The following EYA4 variants were observed in gnomAD, a reference collection of about 807,000 sequenced individuals.
EYA4 encodes the protein EYA transcriptional coactivator and phosphatase 4.
In EYA4, 31 loss-of-function variants were observed where a neutral mutation model predicts 87.9. The ratio of observed to expected loss-of-function variants is 0.35; its 90% CI spans 0.27 to 0.48. The LOEUF (loss-of-function observed/expected upper bound fraction) is 0.48. Among genes scored for constraint, EYA4 ranks in the 20% least tolerant of loss-of-function variants. EYA4 has a pLI of 0.99. For synonymous variants in EYA4, 263 were observed against 270.6 expected (o/e 0.97, Z 0.28); for missense variants, 678 against 761.4 (o/e 0.89, Z 1.29).
At chr6:133,309,142 C>A (rs994852688) in intron 2 of EYA4, among the ~76,000 whole-genome samples, 4 of 151,982 alleles carry the variant, frequency 2.6e-5, no homozygotes, top group Non-Finnish European at 5.9e-5. Context: ...TATAATTTTG[C>A]TATGCTATTG....
rs185894992 is a variant in EYA4 at position 133,477,342 on chromosome 6, T to C, written c.971-4121T>C. On this transcript the variant is annotated intron_variant, in intron 11 of 19. Transcript: ENST00000355286. ...TGTGAGGTGGTATCTCATTGTAGTTTTAATTTGCATTTCTTTGATAATGAG... is the reference window on the plus strand; with the variant it reads ...TGTGAGGTGGTATCTCATTGTAGTTCTAATTTGCATTTCTTTGATAATGAG... 3.5e-4 allele frequency among the ~76,000 whole-genome samples: 53 copies of C among 152,298 alleles called. 1 individual carries two copies. The highest frequency in any genetic ancestry group is 3.2e-3 in the Admixed American group (49 of 15,280).
chr6:133,288,137 A>T (rs73009608), intron 2 of EYA4, among the ~76,000 whole-genome samples: 13,256 of 107,994 alleles, frequency 0.12, 806 homozygotes, highest in Non-Finnish European at 0.16. Context: ...CCATTTCAAT[A>T]AAAAAAAGGC....
At chr6:133,401,300 TTAGA>T (rs1436931631) in intron 3 of EYA4, among the ~76,000 whole-genome samples, 1 of 152,040 alleles carries the variant, frequency 6.6e-6, no homozygotes, top group Non-Finnish European at 1.5e-5. Context: ...CAAATATAAA[TTAGA>T]TAGAAGAAAT....
chr6:133,400,768 A>G lies in EYA4; in HGVS notation c.83+18327A>G, dbSNP rs771969112. Reference sequence around the variant, plus strand: ...CTTAAATTGTTATTTAGAATGTACAATTTAACATAAATTTAACTGAAGTTG... The same window carrying G: ...CTTAAATTGTTATTTAGAATGTACAGTTTAACATAAATTTAACTGAAGTTG... On this transcript the variant is annotated intron_variant, in intron 3 of 19. Coordinates refer to ENST00000355286, the MANE Select transcript of EYA4 (RefSeq NM_004100.5). 3.3e-5 allele frequency among the ~76,000 whole-genome samples: 5 copies of G among 152,140 alleles called. No homozygotes were observed. In the East Asian group the frequency reaches 5.8e-4, roughly 18 times the overall value.
At chr6:133,335,356 A>G (rs1023045986) in intron 2 of EYA4, among the ~76,000 whole-genome samples, 4 of 152,358 alleles carry the variant, frequency 2.6e-5, no homozygotes, top group East Asian at 1.9e-4. Flanking sequence ...TGTCCTAAAC[A>G]TAAGTGAAAA....
At chr6:133,243,647 T>TA (rs1582721561) in intron 1 of EYA4, among the ~76,000 whole-genome samples, 1 of 142,202 alleles carries the variant, frequency 7.0e-6, no homozygotes, top group African/African-American at 2.6e-5. Context: ...TTAAGCAGAA[T>TA]CAGTGCCTTT....
chr6:133,488,729 T>C (rs993466002), intron 13 of EYA4, among the ~76,000 whole-genome samples: 2 of 152,166 alleles, frequency 1.3e-5, no homozygotes, highest in Non-Finnish European at 2.9e-5. Context: ...TAGCATACAG[T>C]GACCAAAAAC....
At chr6:133,345,083 A>G (rs1273514171) in intron 2 of EYA4, among the ~76,000 whole-genome samples, 1 of 152,182 alleles carries the variant, frequency 6.6e-6, no homozygotes, top group Non-Finnish European at 1.5e-5. Context: ...GTTAACTTTC[A>G]ACATGCTGTT....
intron 1 of EYA4, among the ~76,000 whole-genome samples, chr6:133,267,545 G>A (rs1448253986): frequency 6.6e-6 from 1 of 152,024 alleles, no homozygotes; most frequent in African/African-American, 2.4e-5. Context: ...ACCATGCCCG[G>A]CTAATTTTTT....
intron 2 of EYA4, among the ~76,000 whole-genome samples, chr6:133,275,445 G>A (rs1272654463): frequency 6.6e-6 from 1 of 152,164 alleles, no homozygotes; most frequent in Admixed American, 6.5e-5. Flanking sequence ...CACACTACTG[G>A]AAGCTGTCGT....
intron 2 of EYA4, among the ~76,000 whole-genome samples, chr6:133,314,667 A>G (rs980391414): frequency 5.3e-4 from 80 of 152,194 alleles, no homozygotes; most frequent in African/African-American, 1.7e-3. Context: ...CATACTTTTC[A>G]ACTAAAATTT....
intron 10 of EYA4, among the ~76,000 whole-genome samples, chr6:133,467,020 A>C (rs554009306): frequency 6.6e-6 from 1 of 152,266 alleles, no homozygotes; most frequent in African/African-American, 2.4e-5. Context: ...AATGGAAACG[A>C]GGAGATAAAT....
In EYA4 at chr6:133,282,545, A is replaced by T. The variant is rs73776015; in HGVS notation, c.33+7732A>T. The stretch of plus-strand genomic sequence containing the variant: ...TAAAATTATAATTTGATTTGTTAAA[A>T]TTTTTTCTCAAATCTTAGAATATAT... On this transcript the variant is annotated intron_variant, in intron 2 of 19. Coordinates refer to ENST00000355286, the MANE Select transcript of EYA4 (RefSeq NM_004100.5). 7.4e-3 allele frequency among the ~76,000 whole-genome samples: 1,128 copies of T among 151,968 alleles called. 16 individuals carry two copies. The highest frequency in any genetic ancestry group is 0.026 in the African/African-American group (1,060 of 41,418).
chr6:133,321,097 G>A (rs1011211479), intron 2 of EYA4, among the ~76,000 whole-genome samples: 1 of 152,164 alleles, frequency 6.6e-6, no homozygotes, highest in Non-Finnish European at 1.5e-5. Context: ...TTGAATGAAT[G>A]ACACGTTGTT....
intron 3 of EYA4, among the ~76,000 whole-genome samples, chr6:133,444,059 A>C (rs1037756883): frequency 1.3e-5 from 2 of 152,164 alleles, no homozygotes; most frequent in Non-Finnish European, 1.5e-5. Context: ...AACGCTTTCC[A>C]AATCTTACGT....
At chr6:133,348,166 A>C (rs1467668722) in intron 2 of EYA4, among the ~76,000 whole-genome samples, 2 of 150,760 alleles carry the variant, frequency 1.3e-5, no homozygotes, top group Non-Finnish European at 2.9e-5. Context: ...TTTTCTACCC[A>C]TTCTTGCTTA....
chr6:133,358,975 G>C (rs537522046), intron 2 of EYA4, among the ~76,000 whole-genome samples: 1 of 152,122 alleles, frequency 6.6e-6, no homozygotes, highest in South Asian at 2.1e-4. Flanking sequence ...TACAGAATGT[G>C]GGGGAGAGGA....
rs370636450 is a variant in EYA4, at chr6:133,413,375, G to C, written c.83+30934G>C. ...GGCCAATTCTCTCTATATATATTCTGGGTCTCCTACCATTTCAGAGGTTAC... is the reference window on the plus strand; with the variant it reads ...GGCCAATTCTCTCTATATATATTCTCGGTCTCCTACCATTTCAGAGGTTAC... On this transcript the variant is annotated intron_variant, in intron 3 of 19. Transcript: ENST00000355286. 2.1e-3 allele frequency among the ~76,000 whole-genome samples: 320 copies of C among 151,154 alleles called. 2 individuals are homozygous for C. Among genetic ancestry groups the C allele is most frequent in the Middle Eastern group, 6.9e-3 (2 of 288 alleles).
Position 133,483,376 on chromosome 6 carries a change from A to G in EYA4, c.1191+261A>G, listed in dbSNP as rs530723727. Among the ~76,000 whole-genome samples, 601 of 152,238 alleles carry G rather than the reference A, an allele frequency of 3.9e-3. 2 individuals carry two copies. Among genetic ancestry groups the G allele is most frequent in the Non-Finnish European group, 7.5e-3 (508 of 68,024 alleles). ...TCAAGACCAAGCTTCTTAGTCTCAC[A>G]TAATTATTTTAGAAAAAAAATTGTA... On this transcript the variant is annotated intron_variant, in intron 13 of 19. Coordinates refer to ENST00000355286, the MANE Select transcript of EYA4 (RefSeq NM_004100.5).
Sources: allele counts gnomAD v4.1 joint callset (sites outside exome capture counted in the v4.1 genomes callset), GRCh38; gene constraint gnomAD v4.1.1; transcripts MANE v1.5; gene names NCBI Gene and HGNC (gene_info 2026-07-23, HGNC 2026-07-21).